TAS1R2: variants seen among roughly 807,000 people sequenced by gnomAD.
The protein encoded by TAS1R2 is taste receptor type 1 member 2.
In TAS1R2, 47 loss-of-function variants were observed where a neutral mutation model predicts 49.3. The ratio of observed to expected loss-of-function variants is 0.95; its 90% CI spans 0.75 to 1.22. The LOEUF is 1.22. TAS1R2 is among the 50% of genes most tolerant of loss of function. The probability of loss-of-function intolerance (pLI) is 0.00; values close to 1 mark genes in which losing one functional copy is unlikely to be tolerated. For synonymous variants in TAS1R2, 479 were observed against 467.9 expected, an observed-to-expected ratio of 1.02 and a Z score of -0.31; for missense variants, 1,155 against 1,122.1, an observed-to-expected ratio of 1.03 and a Z score of -0.42.
chr1:18,851,401 C>T (rs180792673), intron 3 of TAS1R2, among the ~76,000 whole-genome samples: 23 of 152,188 alleles, frequency 1.5e-4, no homozygotes, highest in East Asian at 3.9e-4. Context: ...GATCTCAGAT[C>T]GGACTACAAC....
At chr1:18,842,931 AATGTT>A (rs974588900) in intron 4 of TAS1R2, among the ~76,000 whole-genome samples, 13 of 152,226 alleles carry the variant, frequency 8.5e-5, no homozygotes, top group African/African-American at 2.2e-4. Context: ...CAAATTGGTA[AATGTT>A]ATGTTATATG....
At chr1:18,851,724 G>A (rs61761368) in intron 3 of TAS1R2, among the ~76,000 whole-genome samples, 27,067 of 152,000 alleles carry the variant, frequency 0.18, 3,002 homozygotes, top group Middle Eastern at 0.27. Flanking sequence ...CCATCAGCAC[G>A]GGCAGCACAT....
In TAS1R2 at chr1:18,841,984, GAA is replaced by G. The variant is rs35542368; in HGVS notation, c.1468-134_1468-133del. ...CCTAGGTTTTGGGGTGGAAACTGTAGAAAAAAAAAAAAAAACTCTCATGCTTC... is the reference window on the plus strand; with the variant it reads ...CCTAGGTTTTGGGGTGGAAACTGTAGAAAAAAAAAAAAACTCTCATGCTTC... On this transcript the variant is annotated intron_variant, in intron 4 of 5. Coordinates refer to ENST00000375371, the Ensembl canonical transcript of TAS1R2. 7.4e-3 allele frequency: 2,530 copies of G among 340,942 alleles called. 26 individuals are homozygous for G. The South Asian group carries it at 0.075, about 10-fold the overall frequency. The allele number at this position is 340,942 out of a possible 1,614,324, so 21.1% of individuals were successfully genotyped here.
In TAS1R2 at chr1:18,841,915, C is replaced by T. The variant is rs1569657820; in HGVS notation, c.1468-63G>A. On this transcript the variant is annotated intron_variant, in intron 4 of 5. Coordinates refer to ENST00000375371, the Ensembl canonical transcript of TAS1R2. ...TCCCACATTCTGGGGGCCCCCTCCCCTCTCCAACCAGCAGGATGTTCAGGG... is the reference window on the plus strand; with the variant it reads ...TCCCACATTCTGGGGGCCCCCTCCCTTCTCCAACCAGCAGGATGTTCAGGG... The T allele has an allele frequency of 8.0e-6, 12 of 1,497,994 alleles. No homozygotes were observed. The East Asian group carries it at 1.7e-4, about 21-fold the overall frequency. The allele number at this position is 1,497,994 out of a possible 1,614,324, so 92.8% of individuals were successfully genotyped here.
At chr1:18,853,508 G>C (rs912351365) in intron 3 of TAS1R2, among the ~76,000 whole-genome samples, 1 of 152,164 alleles carries the variant, frequency 6.6e-6, no homozygotes, top group Non-Finnish European at 1.5e-5. Flanking sequence ...TTAAGGAAGT[G>C]AACAGTTATT....
exon 6 of TAS1R2, chr1:18,840,106 G>A (rs780557714): frequency 1.2e-6 from 2 of 1,614,158 alleles, no homozygotes; most frequent in Non-Finnish European, 1.7e-6. Flanking sequence ...AGCGGACCCA[G>A]TAGCTGTAGG....
At chr1:18,848,070 G>A (rs746636109) in intron 4 of TAS1R2, among the ~76,000 whole-genome samples, 30 of 152,172 alleles carry the variant, frequency 2.0e-4, no homozygotes, top group Non-Finnish European at 3.4e-4. Flanking sequence ...ACAACATGTG[G>A]GGATTATGGG....
At chr1:18,843,906 T>G (rs1476234017) in intron 4 of TAS1R2, among the ~76,000 whole-genome samples, 1 of 152,226 alleles carries the variant, frequency 6.6e-6, no homozygotes, top group Non-Finnish European at 1.5e-5. Context: ...CGCCAGTGGG[T>G]CCAAGTAAAT....
At chr1:18,841,815 C>T (rs761716819) in exon 5 of TAS1R2, 42 of 1,613,240 alleles carry the variant, frequency 2.6e-5, no homozygotes, top group Admixed American at 3.3e-5. Flanking sequence ...CTTCTTTTGC[C>T]CTGACTGGCA....
chr1:18,841,352 G>C (rs536207332), intron 5 of TAS1R2, among the ~76,000 whole-genome samples: 2 of 152,338 alleles, frequency 1.3e-5, no homozygotes, highest in Admixed American at 6.5e-5. Flanking sequence ...TGTCTTCCCT[G>C]TCTGCCAGAA....
chr1:18,846,982 T>C (rs1279720682), intron 4 of TAS1R2, among the ~76,000 whole-genome samples: 1 of 152,222 alleles, frequency 6.6e-6, no homozygotes, highest in African/African-American at 2.4e-5. Context: ...CTTCACTCTC[T>C]CTTGCTGCTC....
intron 1 of TAS1R2, 123 bp downstream of exon 1, chr1:18,859,356 C>G: frequency 8.3e-7 from 1 of 1,202,770 alleles, no homozygotes; most frequent in South Asian, 1.4e-5. Context: ...AGGGGGTTGG[C>G]AATGAATGGG....
chr1:18,840,055 G>T (rs749267082), exon 6 of TAS1R2: 1 of 1,614,244 alleles, frequency 6.2e-7, no homozygotes, highest in South Asian at 1.1e-5. Flanking sequence ...TGACCATTTT[G>T]AGTACCGTGA....
intron 4 of TAS1R2, among the ~76,000 whole-genome samples, chr1:18,846,326 C>G (rs1256102236): frequency 1.3e-5 from 2 of 152,250 alleles, no homozygotes; most frequent in Admixed American, 6.5e-5. Flanking sequence ...GCTAAGGTGG[C>G]TCTTCGGGAG....
intron 3 of TAS1R2, among the ~76,000 whole-genome samples, chr1:18,852,007 G>A (rs192246807): frequency 3.3e-5 from 5 of 152,302 alleles, no homozygotes; most frequent in Admixed American, 6.5e-5. Flanking sequence ...CACCGTGTCC[G>A]GCACATAAGT....
At chr1:18,849,058 G>T (rs1019350084) in intron 4 of TAS1R2, among the ~76,000 whole-genome samples, 1 of 152,164 alleles carries the variant, frequency 6.6e-6, no homozygotes, top group South Asian at 2.1e-4. Context: ...TGTGAGAATT[G>T]AAATCATTAG....
chr1:18,846,086 C>T (rs1933916050), intron 4 of TAS1R2, among the ~76,000 whole-genome samples: 1 of 152,216 alleles, frequency 6.6e-6, no homozygotes, highest in South Asian at 2.1e-4. Flanking sequence ...CATATTTTCT[C>T]AACCCACTGT....
At chr1:18,840,587 C>G (rs1466088795) in intron 5 of TAS1R2, 60 bp from the exon 6 acceptor site, 10 of 1,583,438 alleles carry the variant, frequency 6.3e-6, no homozygotes, top group Admixed American at 1.7e-5. Flanking sequence ...CTGCATCCTC[C>G]CAGCCCTGCA....
intron 3 of TAS1R2, among the ~76,000 whole-genome samples, chr1:18,853,710 C>G (rs893119456): frequency 9.9e-5 from 15 of 152,106 alleles, no homozygotes; most frequent in African/African-American, 3.1e-4. Context: ...GTAAATCCCC[C>G]CTGCTCCTCT....
Sources: allele counts gnomAD v4.1 joint callset (sites outside exome capture counted in the v4.1 genomes callset), GRCh38; gene constraint gnomAD v4.1.1; transcripts MANE v1.5; gene names NCBI Gene and HGNC (gene_info 2026-07-23, HGNC 2026-07-21).